Variants in PCDH15 observed in about 807,000 individuals in gnomAD.
PCDH15 encodes the protein protocadherin related 15.
PCDH15 carries 129 observed loss-of-function variants against 178.5 expected under a neutral mutation model. That is an observed-to-expected ratio of 0.72 (90% CI 0.63 to 0.84). The LOEUF (loss-of-function observed/expected upper bound fraction) is 0.84. Ranked by LOEUF, PCDH15 falls within the 40% of genes least tolerant of loss-of-function variation. The probability of loss-of-function intolerance (pLI) is 0.00; values close to 1 mark genes in which losing one functional copy is unlikely to be tolerated. For synonymous variants in PCDH15, 800 were observed against 732.0 expected (o/e 1.09, Z -1.50); for missense variants, 2,230 against 2,099.9 (o/e 1.06, Z -1.21).
intron 2 of PCDH15, among the ~76,000 whole-genome samples, chr10:55,020,115 T>C (rs1840286199): frequency 6.9e-6 from 1 of 144,532 alleles, no homozygotes; most frequent in African/African-American, 2.5e-5. Flanking sequence ...AATATATATG[T>C]ATAATTATAT....
chr10:54,441,522 G>A (rs750433502), intron 3 of PCDH15, among the ~76,000 whole-genome samples: 6 of 151,922 alleles, frequency 3.9e-5, no homozygotes, highest in Admixed American at 6.6e-5. Flanking sequence ...CCAGCGGGGC[G>A]ACATTTAAGT....
At chr10:55,084,069 A>C (rs985234101) in intron 2 of PCDH15, among the ~76,000 whole-genome samples, 3 of 151,858 alleles carry the variant, frequency 2.0e-5, no homozygotes, top group African/African-American at 7.2e-5. Context: ...AATATAAAAA[A>C]AATTCTAAAA....
At chr10:53,843,915 T>C (rs988226197) in intron 28 of PCDH15, among the ~76,000 whole-genome samples, 9 of 152,092 alleles carry the variant, frequency 5.9e-5, no homozygotes, top group African/African-American at 2.2e-4. Flanking sequence ...AAATACAATC[T>C]TTGATGTCAA....
intron 6 of PCDH15, among the ~76,000 whole-genome samples, chr10:54,344,906 A>C (rs1588942292): frequency 1.9e-5 from 1 of 51,880 alleles, no homozygotes; most frequent in Non-Finnish European, 5.4e-5. Context: ...AAACAAAGCA[A>C]AAAAAAAAAA....
chr10:54,375,360 T>C (rs1419817982), intron 4 of PCDH15, among the ~76,000 whole-genome samples: 1 of 151,972 alleles, frequency 6.6e-6, no homozygotes, highest in Non-Finnish European at 1.5e-5. Context: ...GAGAGAAAAA[T>C]AGAGAATATG....
chr10:54,518,701 A>T (rs1383162296), intron 3 of PCDH15, among the ~76,000 whole-genome samples: 2 of 152,182 alleles, frequency 1.3e-5, no homozygotes, highest in African/African-American at 4.8e-5. Flanking sequence ...ATCCTCCCTA[A>T]CTCATTTTAT....
intron 2 of PCDH15, among the ~76,000 whole-genome samples, chr10:55,367,017 T>C (rs1259587643): frequency 6.6e-6 from 1 of 151,972 alleles, no homozygotes; most frequent in Non-Finnish European, 1.5e-5. Flanking sequence ...ACATTTTATA[T>C]GTCCTTTCAC....
chr10:53,972,357 C>T (rs2089787912), intron 21 of PCDH15, among the ~76,000 whole-genome samples: 1 of 152,126 alleles, frequency 6.6e-6, no homozygotes, highest in Admixed American at 6.6e-5. Flanking sequence ...CTAGGTAATA[C>T]CATTCAGGAC....
At chr10:55,066,190 T>G (rs1488945829) in intron 2 of PCDH15, among the ~76,000 whole-genome samples, 2 of 150,962 alleles carry the variant, frequency 1.3e-5, no homozygotes, top group Non-Finnish European at 1.5e-5. Context: ...AGTTCTCTCT[T>G]ATTTCTCCCT....
chr10:55,233,783 C>T (rs181209170), intron 1 of PCDH15, among the ~76,000 whole-genome samples: 1 of 152,166 alleles, frequency 6.6e-6, no homozygotes, highest in Admixed American at 6.5e-5. Context: ...ATAAAAGCAA[C>T]ATAATTATTT....
At chr10:53,867,154 T>C (rs2079520457) in intron 26 of PCDH15, among the ~76,000 whole-genome samples, 1 of 152,094 alleles carries the variant, frequency 6.6e-6, no homozygotes, top group East Asian at 1.9e-4. Context: ...CTTTTACCCT[T>C]ACCAGCCTCC....
At chr10:55,086,794 T>C (rs548882211) in intron 2 of PCDH15, among the ~76,000 whole-genome samples, 3 of 152,172 alleles carry the variant, frequency 2.0e-5, no homozygotes, top group Admixed American at 1.3e-4. Context: ...ATAAATATTA[T>C]AAATAAGTAA....
chr10:54,314,139 A>G (rs552730603), intron 8 of PCDH15, among the ~76,000 whole-genome samples: 1,154 of 35,804 alleles, frequency 0.032, 14 homozygotes, highest in African/African-American at 0.1. Context: ...GTACACACAC[A>G]CACACACACA....
chr10:54,358,566 C>T (rs939337242), intron 5 of PCDH15, among the ~76,000 whole-genome samples: 2 of 151,854 alleles, frequency 1.3e-5, no homozygotes, highest in Non-Finnish European at 2.9e-5. Flanking sequence ...GTTGGTGGGA[C>T]TGTAAACTAG....
At chr10:53,848,141 G>A (rs1564603034) in intron 28 of PCDH15, among the ~76,000 whole-genome samples, 1 of 151,732 alleles carries the variant, frequency 6.6e-6, no homozygotes, top group Admixed American at 6.6e-5. Context: ...ATTGACTCTT[G>A]ATGATTAAAG....
At chr10:55,212,435 C>T (rs1463693446) in intron 1 of PCDH15, among the ~76,000 whole-genome samples, 3 of 152,012 alleles carry the variant, frequency 2.0e-5, no homozygotes, top group African/African-American at 4.8e-5. Flanking sequence ...TCTTAACCTC[C>T]CTCTTTGTGT....
intron 2 of PCDH15, among the ~76,000 whole-genome samples, chr10:55,087,177 T>C (rs1240950729): frequency 6.6e-6 from 1 of 152,118 alleles, no homozygotes; most frequent in Non-Finnish European, 1.5e-5. Context: ...GGAGAGACTT[T>C]AGATGAATGC....
At chr10:54,020,978 T>C (rs1488801167) in intron 19 of PCDH15, among the ~76,000 whole-genome samples, 1 of 152,074 alleles carries the variant, frequency 6.6e-6, no homozygotes, top group Non-Finnish European at 1.5e-5. Context: ...ATACTTCCTT[T>C]GATTTAACTA....
intron 26 of PCDH15, among the ~76,000 whole-genome samples, chr10:53,876,851 G>A (rs2080284734): frequency 6.6e-6 from 1 of 152,116 alleles, no homozygotes; most frequent in African/African-American, 2.4e-5. Context: ...AAACAGCAAT[G>A]TAATAATGGA....
Sources: gnomAD v4.1 joint callset for allele counts (sites outside exome capture counted in the v4.1 genomes callset) on GRCh38, gnomAD v4.1.1 for gene constraint, MANE v1.5 for transcripts, NCBI Gene and HGNC (gene_info 2026-07-23, HGNC 2026-07-21) for gene names.